PRKCE: variants seen among roughly 807,000 people sequenced by gnomAD.
The protein encoded by PRKCE is protein kinase C epsilon type.
PRKCE carries 16 observed loss-of-function variants against 85.4 expected under a neutral mutation model. That is an observed-to-expected ratio of 0.19 (90% CI 0.13 to 0.28). PRKCE has a LOEUF of 0.28. Ranked by LOEUF, PRKCE falls within the 10% of genes least tolerant of loss-of-function variation. The pLI is 1.00. For missense variants in PRKCE, 573 were observed against 975.2 expected, an observed-to-expected ratio of 0.59 and a Z score of 5.49; for synonymous variants, 388 against 371.5, an observed-to-expected ratio of 1.04 and a Z score of -0.51.
At chr2:45,847,338 G>A (rs996973751) in intron 2 of PRKCE, among the ~76,000 whole-genome samples, 1 of 152,172 alleles carries the variant, frequency 6.6e-6, no homozygotes, top group East Asian at 1.9e-4. Context: ...TGGGTAAAAG[G>A]CCTTTAAATA....
chr2:45,836,034 T>C (rs1473166777), intron 1 of PRKCE, among the ~76,000 whole-genome samples: 1 of 152,238 alleles, frequency 6.6e-6, no homozygotes, highest in Non-Finnish European at 1.5e-5. Flanking sequence ...CATTTCTGTA[T>C]AGTAGATGGC....
At chr2:46,176,003 A>G (rs1679384353) in intron 14 of PRKCE, among the ~76,000 whole-genome samples, 1 of 152,140 alleles carries the variant, frequency 6.6e-6, no homozygotes, top group Non-Finnish European at 1.5e-5. Flanking sequence ...GGAGATTCCA[A>G]TTCATCAGGT....
chr2:46,100,206 A>G (rs1190310134), intron 11 of PRKCE, among the ~76,000 whole-genome samples: 2 of 152,142 alleles, frequency 1.3e-5, no homozygotes, highest in Non-Finnish European at 2.9e-5. Flanking sequence ...AAGTAACAAG[A>G]GTGCCCCTGA....
At chr2:45,839,006 A>G (rs1453958332) in intron 1 of PRKCE, among the ~76,000 whole-genome samples, 1 of 152,118 alleles carries the variant, frequency 6.6e-6, no homozygotes, top group African/African-American at 2.4e-5. Context: ...ATCTCACAGC[A>G]GCCCCATTTC....
At chr2:46,073,402 AGTTT>A (rs1464786907) in intron 10 of PRKCE, 2 of 152,068 alleles carry the variant, frequency 1.3e-5, no homozygotes, top group Non-Finnish European at 2.9e-5. Flanking sequence ...GTTTCTCTTC[AGTTT>A]GTCCTTTGTC....
chr2:46,109,652 G>A (rs911183927), intron 11 of PRKCE, among the ~76,000 whole-genome samples: 4 of 152,010 alleles, frequency 2.6e-5, no homozygotes, highest in African/African-American at 9.7e-5. Flanking sequence ...TGTGAATAAA[G>A]ACAATTTTGT....
chr2:45,890,176 T>C (rs574893270), intron 2 of PRKCE, among the ~76,000 whole-genome samples: 34 of 152,326 alleles, frequency 2.2e-4, no homozygotes, highest in African/African-American at 7.2e-4. Context: ...TTTCAAGCTT[T>C]TATTATGGAC....
At chr2:46,028,406 G>T (rs1403250356) in intron 10 of PRKCE, among the ~76,000 whole-genome samples, 1 of 152,214 alleles carries the variant, frequency 6.6e-6, no homozygotes, top group African/African-American at 2.4e-5. Context: ...TCATTTGGCA[G>T]TTTGTATTAT....
chr2:45,707,213 A>C (rs539300851), intron 1 of PRKCE, among the ~76,000 whole-genome samples: 1 of 152,188 alleles, frequency 6.6e-6, no homozygotes, highest in Non-Finnish European at 1.5e-5. Context: ...GTGTCCCAGA[A>C]CTTACCAGGT....
At chr2:45,971,951 G>C (rs779551614) in intron 2 of PRKCE, among the ~76,000 whole-genome samples, 11 of 152,036 alleles carry the variant, frequency 7.2e-5, no homozygotes, top group African/African-American at 1.5e-4. Context: ...GACTCTTCAG[G>C]GTCCTTACTT....
intron 8 of PRKCE, among the ~76,000 whole-genome samples, chr2:46,006,476 C>G (rs911774061): frequency 2.7e-5 from 3 of 109,458 alleles, no homozygotes; most frequent in East Asian, 8.5e-4. Context: ...CTTGAGTAAG[C>G]CCTTATGGGA....
chr2:45,787,906 G>C (rs188829527), intron 1 of PRKCE, among the ~76,000 whole-genome samples: 2 of 152,298 alleles, frequency 1.3e-5, no homozygotes, highest in African/African-American at 4.8e-5. Context: ...AGAGCATTGC[G>C]ATCCTGCCAG....
At chr2:46,054,468 C>G (rs558845051) in intron 10 of PRKCE, among the ~76,000 whole-genome samples, 2 of 152,324 alleles carry the variant, frequency 1.3e-5, no homozygotes, top group Non-Finnish European at 2.9e-5. Context: ...CCTCTGCTCA[C>G]TAGGAGTGCA....
intron 10 of PRKCE, 28 bp from the exon 11 acceptor site, chr2:46,086,180 C>T (rs773469359): frequency 6.3e-7 from 1 of 1,597,460 alleles, no homozygotes; most frequent in Non-Finnish European, 8.5e-7. Context: ...TCAAATGACC[C>T]AAATGGCATT....
intron 6 of PRKCE, among the ~76,000 whole-genome samples, chr2:45,998,090 G>C (rs770059487): frequency 2.0e-5 from 3 of 152,096 alleles, no homozygotes; most frequent in Non-Finnish European, 4.4e-5. Context: ...CTTGGTGATT[G>C]CTTCATATCT....
intron 2 of PRKCE, among the ~76,000 whole-genome samples, chr2:45,927,413 G>A (rs1236370298): frequency 6.6e-6 from 1 of 152,150 alleles, no homozygotes; most frequent in East Asian, 1.9e-4. Context: ...TATGAAGCAG[G>A]TATTATCTCC....
At chr2:45,764,517 T>C (rs983978133) in intron 1 of PRKCE, among the ~76,000 whole-genome samples, 1 of 152,206 alleles carries the variant, frequency 6.6e-6, no homozygotes, top group Non-Finnish European at 1.5e-5. Context: ...TGAAAGTGAA[T>C]ATCTGCAGCT....
At position 46,010,347 on chromosome 2, in the gene PRKCE, A is replaced by G. The variant is rs1408348010; in HGVS notation, c.1267A>G (p.Met423Val). ...GGAGGCAATTGATTGATTGCAGGTC[A>G]TGTTGGCAGAACTCAAGGGCAAAGA... Reference protein sequence around the residue: ...VLGKGSFGKVMLAELKGKDEV... With the variant: ...VLGKGSFGKVVLAELKGKDEV... The change falls in exon 10 of 15, where the codon ATG (methionine) becomes GTG (valine). Residue 423 changes from methionine to valine, a missense_variant. Coordinates refer to ENST00000306156, the MANE Select transcript of PRKCE (RefSeq NM_005400.3). The G allele has an allele frequency of 3.1e-6, 5 of 1,591,608 alleles. No individual in the cohort carries two copies. Among genetic ancestry groups the G allele is most frequent in the East Asian group, 4.5e-5 (2 of 44,650 alleles).
At chr2:45,696,947 C>T (rs899016632) in intron 1 of PRKCE, among the ~76,000 whole-genome samples, 2 of 152,196 alleles carry the variant, frequency 1.3e-5, no homozygotes, top group African/African-American at 4.8e-5. Context: ...GCTTTCCTCC[C>T]AGGGCCCCAC....
Sources: gnomAD v4.1 joint callset for allele counts (sites outside exome capture counted in the v4.1 genomes callset) on GRCh38, gnomAD v4.1.1 for gene constraint, MANE v1.5 for transcripts, NCBI Gene and HGNC (gene_info 2026-07-23, HGNC 2026-07-21) for gene names.